SYNE1: variants seen among roughly 807,000 people sequenced by gnomAD.
SYNE1 encodes the protein spectrin repeat containing nuclear envelope protein 1.
A neutral mutation model predicts 1,111.0 loss-of-function variants in SYNE1; 616 were observed. The observed-to-expected ratio is 0.55, with a 90% CI of 0.52 to 0.59. The LOEUF (loss-of-function observed/expected upper bound fraction) is 0.59. Ranked by LOEUF, SYNE1 falls within the 20% of genes least tolerant of loss-of-function variation. The pLI, the probability that SYNE1 is intolerant of heterozygous loss-of-function variation, is 0.00. For synonymous variants in SYNE1, 3,855 were observed against 3,825.8 expected (o/e 1.01, Z -0.28); for missense variants, 10,006 against 10,417.0 (o/e 0.96, Z 1.72).
At chr6:152,313,387 C>A (rs145296264) in intron 87 of SYNE1, among the ~76,000 whole-genome samples, 1 of 151,278 alleles carries the variant, frequency 6.6e-6, no homozygotes, top group Admixed American at 6.6e-5. Flanking sequence ...ATTTACCCAG[C>A]CCCTATTCAG....
At chr6:152,421,656 C>T (rs1385069480) in intron 39 of SYNE1, among the ~76,000 whole-genome samples, 1 of 150,976 alleles carries the variant, frequency 6.6e-6, no homozygotes, top group Non-Finnish European at 1.5e-5. Context: ...CCAAATCTTC[C>T]TTCCATTTTC....
Position 152,442,141 on chromosome 6 carries a change from C to T in SYNE1, c.3942G>A (p.Leu1314=). ...CATCCAGTGTGCTCTCCAGCTTCCG[C>T]AGCTCCTCGTGGCCTCGGTCAGGCA... ...GGLPDRGHEE[L]RKLESTLDGL... Residue 1314 remains leucine (L), a synonymous_variant, in exon 31 of 146, where the codon CTG becomes CTA. Transcript: ENST00000367255. 6.2e-7 allele frequency: 1 copy of T among 1,613,944 alleles called. No homozygotes were observed. Among genetic ancestry groups the T allele is most frequent in the Non-Finnish European group, 8.5e-7 (1 of 1,179,978 alleles).
Position 152,399,836 on chromosome 6 carries a change from A to G in SYNE1, c.7030-13T>C. ...CTTTTTGTATATCCTACAGAATAAA[A>G]GTATATTATGAAGGATATTCATAAC... On this transcript the variant is annotated splice_polypyrimidine_tract_variant and intron_variant, in intron 47 of 145. Transcript: ENST00000367255. 1.9e-6 allele frequency: 3 copies of G among 1,611,626 alleles called. No individual in the cohort carries two copies. The highest frequency in any genetic ancestry group is 2.5e-6 in the Non-Finnish European group (3 of 1,177,762).
chr6:152,468,905 G>T (rs6902037), intron 16 of SYNE1, among the ~76,000 whole-genome samples: 78,858 of 151,892 alleles, frequency 0.52, 22,225 homozygotes, highest in East Asian at 0.76. Context: ...CCTCCTGAGT[G>T]GTTGAAACTA....
chr6:152,480,181 C>T, intron 14 of SYNE1, among the ~76,000 whole-genome samples: 1 of 152,184 alleles, frequency 6.6e-6, no homozygotes, highest in East Asian at 1.9e-4. Flanking sequence ...AATCGAGAGA[C>T]TGAGTTGGTG....
intron 24 of SYNE1, among the ~76,000 whole-genome samples, chr6:152,453,922 A>G (rs1294614743): frequency 6.6e-6 from 1 of 152,206 alleles, no homozygotes; most frequent in Non-Finnish European, 1.5e-5. Context: ...CTGAAATTCT[A>G]CTAGTATTTT....
intron 74 of SYNE1, 73 bp downstream of exon 74, chr6:152,344,008 A>G (rs1322946188): frequency 1.6e-5 from 25 of 1,597,334 alleles, no homozygotes; most frequent in Middle Eastern, 1.8e-4. Context: ...GGCACATCAT[A>G]GGTACTTCAC....
intron 128 of SYNE1, 123 bp from the exon 129 acceptor site, chr6:152,180,417 G>GC: frequency 1.1e-6 from 1 of 935,854 alleles, no homozygotes; most frequent in Non-Finnish European, 1.6e-6. Flanking sequence ...TTAGCCCACT[G>GC]TTTCCTGAAG....
intron 101 of SYNE1, among the ~76,000 whole-genome samples, chr6:152,261,112 C>T (rs1435242972): frequency 6.6e-6 from 1 of 152,202 alleles, no homozygotes; most frequent in African/African-American, 2.4e-5. Context: ...TTTAGCCTCT[C>T]CCAGCCCCTA....
chr6:152,469,682 A>T (rs1404519445), intron 16 of SYNE1, among the ~76,000 whole-genome samples: 1 of 152,174 alleles, frequency 6.6e-6, no homozygotes, highest in Non-Finnish European at 1.5e-5. Flanking sequence ...TTTTTTTTAC[A>T]ATTTTTTTTA....
chr6:152,465,334 C>T lies in SYNE1; in HGVS notation c.1856G>A (p.Gly619Asp). 1 of 1,613,860 alleles carries T rather than the reference C, an allele frequency of 6.2e-7. No homozygotes were observed. The highest frequency in any genetic ancestry group is 2.2e-5 in the East Asian group (1 of 44,866). ...EEVISNWDRY[G>D]NTVASLQAWL... ...GGCTTGCAGACTAGCCACTGTATTG[C>T]CATAGCGATCCCAGTTAGAGATCAC... Residue 619 changes from glycine to aspartate, a missense_variant, in exon 18 of 146, where the codon GGC becomes GAC. Physicochemically the swap from Gly to Asp is moderately conservative, Grantham distance 94. Coordinates refer to ENST00000367255, the MANE Select transcript of SYNE1 (RefSeq NM_182961.4).
chr6:152,395,782 G>C (rs1452741088), intron 50 of SYNE1, 111 bp from the exon 51 acceptor site: 1 of 1,136,584 alleles, frequency 8.8e-7, no homozygotes, highest in Non-Finnish European at 1.3e-6. Flanking sequence ...CCTCATGAAT[G>C]TTCAAGTGAC....
At chr6:152,311,756 T>A (rs2095553778) in intron 87 of SYNE1, among the ~76,000 whole-genome samples, 1 of 151,956 alleles carries the variant, frequency 6.6e-6, no homozygotes, top group Non-Finnish European at 1.5e-5. Context: ...AATAGGATAT[T>A]ATTCTTAGGC....
intron 8 of SYNE1, among the ~76,000 whole-genome samples, chr6:152,508,952 A>G (rs1243221898): frequency 1.3e-5 from 2 of 152,196 alleles, no homozygotes; most frequent in South Asian, 2.1e-4. Flanking sequence ...CTCTTCAAAC[A>G]CCTTAAAAAT....
At chr6:152,516,962 A>G (rs2099115342) in intron 6 of SYNE1, among the ~76,000 whole-genome samples, 1 of 152,212 alleles carries the variant, frequency 6.6e-6, no homozygotes, top group South Asian at 2.1e-4. Flanking sequence ...GTGAGCAGAA[A>G]GAAGAGAAAC....
intron 3 of SYNE1, among the ~76,000 whole-genome samples, chr6:152,580,362 T>C (rs1046284649): frequency 6.6e-6 from 1 of 152,140 alleles, no homozygotes; most frequent in Admixed American, 6.5e-5. Context: ...TGGGGTTGTT[T>C]AGTTTTTGCT....
In SYNE1 at chr6:152,218,403, C is replaced by T. The variant is rs142591924; in HGVS notation, c.22045G>A (p.Ala7349Thr). The T allele has an allele frequency of 6.2e-7, 1 of 1,610,992 alleles. No homozygotes were observed. The highest frequency in any genetic ancestry group is 8.5e-7 in the Non-Finnish European group (1 of 1,179,584). ...AAGGTTTCATAATCAAGAACTCCAGCCTTTTTTTCCACAAAAGAAATTGGT... is the reference window on the plus strand; with the variant it reads ...AAGGTTTCATAATCAAGAACTCCAGTCTTTTTTTCCACAAAAGAAATTGGT... Reference protein sequence around the residue: ...ALCKQQTSLQAGVLDYETFAK... With the variant: ...ALCKQQTSLQTGVLDYETFAK... Residue 7349 changes from alanine to threonine, a missense_variant and splice_region_variant, in exon 121 of 146, where the codon GCT becomes ACT. Around this residue, in one of 7 missense-constraint regions of SYNE1, gnomAD observed 2,182 missense variants for 2,287.8 expected, o/e 0.95. Transcript: ENST00000367255.
intron 109 of SYNE1, 104 bp from the exon 110 acceptor site, chr6:152,236,407 A>C (rs986038226): frequency 1.2e-6 from 1 of 829,960 alleles, no homozygotes; most frequent in African/African-American, 1.7e-5. Context: ...CCTGTTATTC[A>C]AACTTAAACT....
chr6:152,487,892 G>T (rs1419267807), intron 12 of SYNE1, among the ~76,000 whole-genome samples: 2 of 151,952 alleles, frequency 1.3e-5, no homozygotes, highest in Admixed American at 1.3e-4. Context: ...TGGCTAACAT[G>T]GTGAAACCCC....
Sources: gnomAD v4.1 joint callset for allele counts (sites outside exome capture counted in the v4.1 genomes callset) on GRCh38, gnomAD v4.1.1 for gene constraint, gnomAD v4.1.1 regional missense constraint, MANE v1.5 for transcripts, NCBI Gene and HGNC (gene_info 2026-07-23, HGNC 2026-07-21) for gene names.